Variants in PER1 observed in about 807,000 individuals in gnomAD.
PER1 encodes period circadian regulator 1, also known as period circadian protein homolog 1.
PER1 carries 87 observed loss-of-function variants against 125.9 expected under a neutral mutation model. The observed-to-expected ratio is 0.69, with a 90% CI of 0.58 to 0.83. The LOEUF (loss-of-function observed/expected upper bound fraction) is 0.83. PER1 is among the 40% of genes least tolerant of loss of function. PER1 has a pLI of 0.00. For missense variants in PER1, 1,775 were observed against 1,722.8 expected (o/e 1.03, Z -0.54); for synonymous variants, 801 against 714.7 (o/e 1.12, Z -1.93).
chr17:8,148,060 C>A lies in PER1; in HGVS notation c.1171G>T (p.Ala391Ser), dbSNP rs1378154484. Residue 391 changes from alanine to serine, a missense_variant, in exon 10 of 23, where the codon GCC becomes TCC. Coordinates refer to ENST00000317276, the MANE Select transcript of PER1 (RefSeq NM_002616.3). The stretch of plus-strand genomic sequence containing the variant: ...GGATGCAGGAACAGGAGCACTGGGG[C>A]CCCCAGGAGGTCCTGGGGCAGGTAG... ...LGYLPQDLLG[A>S]PVLLFLHPED... 1 of 1,612,216 alleles carries A rather than the reference C, an allele frequency of 6.2e-7. No homozygotes were observed. The highest frequency in any genetic ancestry group is 8.5e-7 in the Non-Finnish European group (1 of 1,179,288).
chr17:8,143,242 G>T, intron 19 of PER1, 24 bp downstream of exon 19: 1 of 1,430,568 alleles, frequency 7.0e-7, no homozygotes. Flanking sequence ...GGGCTGGCAG[G>T]CAGACGCAGG....
rs1001072272 is a variant in PER1 at position 8,140,714 on chromosome 17, C to T, written c.*354G>A. 13 of 261,076 alleles carry T rather than the reference C, an allele frequency of 5.0e-5. No homozygotes were observed. Among genetic ancestry groups the T allele is most frequent in the Middle Eastern group, 2.2e-3 (2 of 916 alleles). 16.2% of individuals were successfully genotyped at this position (261,076 alleles called of 1,614,324 possible). ...GAGGTGGGAGAGAGAGCTGTCTCCC[C>T]GCAATAAATAAGTGCAGCCCCAACC... On this transcript the variant is annotated 3_prime_UTR_variant, in exon 23 of 23. Transcript: ENST00000317276.
Position 8,146,481 on chromosome 17 carries a change from G to C in PER1, c.1929C>G (p.Leu643=), listed in dbSNP as rs1373641026. Residue 643 remains leucine, a synonymous_variant, in exon 16 of 23, where the codon CTC becomes CTG. Coordinates refer to ENST00000317276, the MANE Select transcript of PER1 (RefSeq NM_002616.3). ...SILRYLESCN[L]PSTTKRKCAS... ...CACATTTACGCTTAGTGGTGCTGGGGAGGTTGCAGCTCTCCAGGTACCTGG... is the reference window on the plus strand; with the variant it reads ...CACATTTACGCTTAGTGGTGCTGGGCAGGTTGCAGCTCTCCAGGTACCTGG... 2 of 1,613,394 alleles carry C rather than the reference G, an allele frequency of 1.2e-6. No individual in the cohort carries two copies. The highest frequency in any genetic ancestry group is 3.3e-5 in the Admixed American group (2 of 59,938).
In PER1 at chr17:8,146,147, G is replaced by A. The variant is rs1982421062; in HGVS notation, c.2039-10C>T. 6.3e-7 allele frequency: 1 copy of A among 1,580,864 alleles called. No individual in the cohort carries two copies. Among genetic ancestry groups the A allele is most frequent in the South Asian group, 1.2e-5 (1 of 85,886 alleles). The stretch of plus-strand genomic sequence containing the variant: ...GCTGCTGACGGCGGATCTGTGCAGA[G>A]AGATGGTGCCAGTTACCATCCCCAC... On this transcript the variant is annotated splice_polypyrimidine_tract_variant and intron_variant, in intron 16 of 22. Transcript: ENST00000317276.
In PER1 at chr17:8,150,542, A is replaced by G. The variant is rs1050267114; in HGVS notation, c.165T>C (p.Asn55=). 1.9e-6 allele frequency: 3 copies of G among 1,614,132 alleles called. No individual in the cohort carries two copies. The highest frequency in any genetic ancestry group is 1.7e-5 in the Admixed American group (1 of 60,024). The change falls in exon 2 of 23, where the codon AAT becomes AAC. Residue 55 remains asparagine (N), a synonymous_variant. Coordinates refer to ENST00000317276, the MANE Select transcript of PER1 (RefSeq NM_002616.3). ...CTCTAGACTCATGCCCGTTGGACTCATTGCCACTTGAACCATTGCTGTTGG... is the reference window on the plus strand; with the variant it reads ...CTCTAGACTCATGCCCGTTGGACTCGTTGCCACTTGAACCATTGCTGTTGG... ...TDANSNGSSG[N]ESNGHESRGA...
intron 17 of PER1, among the ~76,000 whole-genome samples, chr17:8,145,437 T>C (rs1045226521): frequency 6.7e-6 from 1 of 149,722 alleles, no homozygotes; most frequent in Non-Finnish European, 1.5e-5. Context: ...GATTCTCCTG[T>C]CCCAGCCTCC....
chr17:8,147,395 A>T lies in PER1; in HGVS notation c.1498-14T>A. ...GCTGTGGACGGGCTGCAGCAGGGAGAGGGCAGGTTAGATGGCTTGACCCGG... is the reference window on the plus strand; with the variant it reads ...GCTGTGGACGGGCTGCAGCAGGGAGTGGGCAGGTTAGATGGCTTGACCCGG... On this transcript the variant is annotated splice_polypyrimidine_tract_variant and intron_variant, in intron 12 of 22. Coordinates refer to ENST00000317276, the MANE Select transcript of PER1 (RefSeq NM_002616.3). 6.2e-7 allele frequency: 1 copy of T among 1,613,370 alleles called. No individual in the cohort carries two copies. Among genetic ancestry groups the T allele is most frequent in the East Asian group, 2.2e-5 (1 of 44,850 alleles).
intron 13 of PER1, 29 bp downstream of exon 13, chr17:8,147,221 A>T: frequency 6.3e-7 from 1 of 1,586,434 alleles, no homozygotes. Context: ...AAGGGCGATT[A>T]GAGGGTGAGG....
At position 8,142,855 on chromosome 17, in the gene PER1, C is replaced by T; in HGVS notation, c.3073-20G>A. On this transcript the variant is annotated intron_variant, in intron 19 of 22. Transcript: ENST00000317276. The stretch of plus-strand genomic sequence containing the variant: ...CTCCGCCTGGAGGAGGGGAGGGGGG[C>T]AAGGAGGGATGGAGGGGTCAGCACC... 1.3e-6 allele frequency: 2 copies of T among 1,559,306 alleles called. No individual in the cohort carries two copies. The highest frequency in any genetic ancestry group is 1.7e-6 in the Non-Finnish European group (2 of 1,152,400).
chr17:8,141,893 G>A lies in PER1; in HGVS notation c.3512C>T (p.Pro1171Leu), dbSNP rs1157090674. The A allele has an allele frequency of 1.2e-6, 2 of 1,614,164 alleles. No individual in the cohort carries two copies. Among genetic ancestry groups the A allele is most frequent in the East Asian group, 4.5e-5 (2 of 44,886 alleles). The change falls in exon 22 of 23, where the codon CCT becomes CTT. Residue 1171 changes from proline to leucine, a missense_variant. By Grantham distance (98) the Pro-to-Leu change is moderately conservative. Transcript: ENST00000317276. The part of the protein sequence containing the change: ...ERLRAMQKQQ[P>L]RFSEDQRREL... ...CCGCCGCTGGTCCTCAGAAAACCGA[G>A]GCTGCTGCTTCTGCATGGCTCGGAG...
At position 8,147,038 on chromosome 17, in the gene PER1, G is replaced by A. The variant is rs1240276731; in HGVS notation, c.1630-36C>T. Reference sequence around the variant, plus strand: ...CAGCACCACAGTGAGCAGAACCAGGGGGTGTCGCCAGTGTCAGGGGCCAAG... The same window carrying A: ...CAGCACCACAGTGAGCAGAACCAGGAGGTGTCGCCAGTGTCAGGGGCCAAG... On this transcript the variant is annotated intron_variant, in intron 13 of 22. Coordinates refer to ENST00000317276, the MANE Select transcript of PER1 (RefSeq NM_002616.3). 4.5e-6 allele frequency: 7 copies of A among 1,566,934 alleles called. No homozygotes were observed. The Admixed American group carries it at 5.1e-5, about 11-fold the overall frequency.
At position 8,144,911 on chromosome 17, in the gene PER1, G is replaced by A; in HGVS notation, c.2301C>T (p.Asp767=). 1 of 1,545,846 alleles carries A rather than the reference G, an allele frequency of 6.5e-7. No individual in the cohort carries two copies. Among genetic ancestry groups the A allele is most frequent in the Non-Finnish European group, 8.7e-7 (1 of 1,143,212 alleles). Residue 767 remains aspartate, a synonymous_variant, in exon 18 of 23, where the codon GAC becomes GAT. Transcript: ENST00000317276. The part of the protein sequence containing the change: ...SPAPSPTVAP[D]PAPDAYRPVG... ...CTGGACGGTAGGCGTCTGGGGCTGG[G>A]TCAGGGGCTACTGTGGGGCTGGGGG...
chr17:8,143,973 C>A, intron 18 of PER1, 97 bp from the exon 19 acceptor site: 1 of 1,488,240 alleles, frequency 6.7e-7, no homozygotes, highest in Non-Finnish European at 8.9e-7. Context: ...AGAGGACAGG[C>A]CAAGGTCCCA....
intron 6 of PER1, 26 bp downstream of exon 6, chr17:8,149,436 C>T: frequency 6.2e-7 from 1 of 1,609,312 alleles, no homozygotes; most frequent in Non-Finnish European, 8.5e-7. Context: ...CTGCTCATGC[C>T]TCCCCACAGC....
intron 22 of PER1, 147 bp from the exon 23 acceptor site, chr17:8,141,487 A>G: frequency 1.1e-6 from 1 of 945,926 alleles, no homozygotes; most frequent in Non-Finnish European, 1.5e-6. Context: ...CGGTCCAACA[A>G]GGTTGGACAG....
chr17:8,145,749 CA>C (rs1024990709), intron 17 of PER1, among the ~76,000 whole-genome samples: 1 of 152,200 alleles, frequency 6.6e-6, no homozygotes, highest in Non-Finnish European at 1.5e-5. Context: ...TTTCAACTGA[CA>C]GTAACAATAC....
chr17:8,147,740 C>G lies in PER1; in HGVS notation c.1322G>C (p.Trp441Ser). ...GCTCCAGGGGTGCACAAAGCCAGCC[C>G]AGCTGGTGTCCATGGTGACATACTC... ...NGEYVTMDTSWAGFVHPWSRK... is the reference protein window; with the variant it reads ...NGEYVTMDTSSAGFVHPWSRK... Residue 441 changes from tryptophan (W) to serine (S), a missense_variant, in exon 11 of 23, where the codon TGG becomes TCG. Coordinates refer to ENST00000317276, the MANE Select transcript of PER1 (RefSeq NM_002616.3). 6.2e-7 allele frequency: 1 copy of G among 1,614,120 alleles called. No individual in the cohort carries two copies. Among genetic ancestry groups the G allele is most frequent in the Non-Finnish European group, 8.5e-7 (1 of 1,180,020 alleles).
chr17:8,142,197 GC>G, intron 21 of PER1, 71 bp downstream of exon 21: 1 of 1,295,442 alleles, frequency 7.7e-7, no homozygotes, highest in Non-Finnish European at 1.1e-6. Flanking sequence ...GGCAGAGCCA[GC>G]CCCAGAAAAG....
chr17:8,145,025 G>A, intron 17 of PER1, 32 bp from the exon 18 acceptor site: 2 of 1,446,978 alleles, frequency 1.4e-6, no homozygotes, highest in Non-Finnish European at 1.8e-6. Flanking sequence ...AAGGTCATCA[G>A]AACCACTTCA....
Sources: gnomAD v4.1 joint callset for allele counts (sites outside exome capture counted in the v4.1 genomes callset) on GRCh38, gnomAD v4.1.1 for gene constraint, MANE v1.5 for transcripts, NCBI Gene and HGNC (gene_info 2026-07-23, HGNC 2026-07-21) for gene names.